Variants in ZMAT3 observed in about 807,000 individuals in gnomAD.
The protein encoded by ZMAT3 is zinc finger matrin-type protein 3.
ZMAT3 carries 17 observed loss-of-function variants against 32.3 expected under a neutral mutation model. That is an observed-to-expected ratio of 0.53 (90% CI 0.36 to 0.79). ZMAT3 has a LOEUF of 0.79. ZMAT3 is among the 30% of genes least tolerant of loss of function. ZMAT3 has a pLI of 0.00. For missense variants in ZMAT3, 329 were observed against 359.7 expected, an observed-to-expected ratio of 0.91 and a Z score of 0.69; for synonymous variants, 120 against 133.1, an observed-to-expected ratio of 0.90 and a Z score of 0.68.
At chr3:179,035,362 G>T (rs367829883) in intron 2 of ZMAT3, among the ~76,000 whole-genome samples, 1 of 152,116 alleles carries the variant, frequency 6.6e-6, no homozygotes. Flanking sequence ...CCAAGCTCAG[G>T]CTAGCTCCAA....
chr3:179,058,755 C>CAAAAAAAAAAAAAA (rs56006230), intron 2 of ZMAT3, among the ~76,000 whole-genome samples: 1 of 68,218 alleles, frequency 1.5e-5, no homozygotes, highest in African/African-American at 5.2e-5. Flanking sequence ...GACTCCGTCT[C>CAAAAAAAAAAAAAA]AAAAAAAAAA....
intron 2 of ZMAT3, among the ~76,000 whole-genome samples, chr3:179,063,622 C>A (rs1721258489): frequency 1.3e-5 from 2 of 152,174 alleles, no homozygotes; most frequent in Non-Finnish European, 2.9e-5. Context: ...TTTTGCTTTT[C>A]TTTATTTCTG....
At chr3:179,070,115 G>C (rs1178304534) in intron 1 of ZMAT3, among the ~76,000 whole-genome samples, 1 of 149,628 alleles carries the variant, frequency 6.7e-6, no homozygotes, top group Non-Finnish European at 1.5e-5. Context: ...TGAAAAGGTG[G>C]GGGGGGGTGT....
intron 2 of ZMAT3, among the ~76,000 whole-genome samples, chr3:179,050,606 G>A (rs1047158370): frequency 7.2e-5 from 11 of 152,208 alleles, no homozygotes; most frequent in East Asian, 3.9e-4. Context: ...GAATCCTCCC[G>A]AAATCATTCT....
chr3:179,033,346 T>TGCGGAAG (rs772006033), intron 2 of ZMAT3, among the ~76,000 whole-genome samples: 5 of 152,086 alleles, frequency 3.3e-5, no homozygotes, highest in African/African-American at 7.2e-5. Flanking sequence ...ACACAAACAC[T>TGCGGAAG]GCGGAAGGCG....
intron 2 of ZMAT3, among the ~76,000 whole-genome samples, chr3:179,045,813 T>A (rs1490280707): frequency 1.3e-5 from 2 of 152,166 alleles, no homozygotes; most frequent in Admixed American, 1.3e-4. Context: ...CTGAAGGACT[T>A]CATAATCATT....
At chr3:179,034,049 C>A (rs1342372078) in intron 2 of ZMAT3, among the ~76,000 whole-genome samples, 7 of 152,184 alleles carry the variant, frequency 4.6e-5, no homozygotes, top group Non-Finnish European at 8.8e-5. Flanking sequence ...TGAACTGACA[C>A]AAACTAGTGG....
At chr3:179,071,523 A>G (rs1721714473) in intron 1 of ZMAT3, 72 bp downstream of exon 1, 1 of 152,290 alleles carries the variant, frequency 6.6e-6, no homozygotes. Flanking sequence ...AGCATCGGAA[A>G]GGAACCGCTA....
chr3:179,049,656 T>C (rs1171800929), intron 2 of ZMAT3, among the ~76,000 whole-genome samples: 2 of 152,176 alleles, frequency 1.3e-5, no homozygotes, highest in Non-Finnish European at 2.9e-5. Flanking sequence ...ACCTCTGTGA[T>C]ACAGCAAAGG....
Position 179,018,312 on chromosome 3 carries a change from CA to C in ZMAT3, c.*6704del, listed in dbSNP as rs1308666546. ...CTTATAAATGAATCATGAAGGTCAT[CA>C]AAATGCAAAAACATCCAATAAATGT... On this transcript the variant is annotated 3_prime_UTR_variant, in exon 6 of 6. Transcript: ENST00000311417. 7 of 152,208 alleles carry C rather than the reference CA, an allele frequency of 4.6e-5. No individual in the cohort carries two copies. The East Asian group carries it at 1.4e-3, about 29-fold the overall frequency. The allele number at this position is 152,208 out of a possible 1,614,324, so 9.4% of individuals were successfully genotyped here.
At position 179,027,537 on chromosome 3, in the gene ZMAT3, G is replaced by A. The variant is rs1718937111; in HGVS notation, c.558-14C>T. 2.5e-6 allele frequency: 4 copies of A among 1,613,982 alleles called. No individual in the cohort carries two copies. The highest frequency in any genetic ancestry group is 1.3e-5 in the African/African-American group (1 of 74,912). On this transcript the variant is annotated splice_polypyrimidine_tract_variant and intron_variant, in intron 4 of 5. Coordinates refer to ENST00000311417, the MANE Select transcript of ZMAT3 (RefSeq NM_022470.4). ...TCTGAGGATTCCCTGGAGAAAAGAA[G>A]TTTAAAAAAGAGTGAGTCTTCTAAA...
In ZMAT3 at chr3:179,067,792, G is replaced by A. The variant is rs777850579; in HGVS notation, c.-40C>T. 1 of 1,597,714 alleles carries A rather than the reference G, an allele frequency of 6.3e-7. No homozygotes were observed. The highest frequency in any genetic ancestry group is 8.5e-7 in the Non-Finnish European group (1 of 1,170,296). On this transcript the variant is annotated 5_prime_UTR_variant, in exon 2 of 6. Coordinates refer to ENST00000311417, the MANE Select transcript of ZMAT3 (RefSeq NM_022470.4). ...TGGGGCATAATCCAGTGGGTGATGA[G>A]AAGCAAGGTCTTCAAATCTGAATCA...
At chr3:179,027,354 T>G in intron 5 of ZMAT3, 69 bp downstream of exon 5, 1 of 1,383,162 alleles carries the variant, frequency 7.2e-7, no homozygotes, top group Non-Finnish European at 1.0e-6. Context: ...CTATTATCAT[T>G]AAAAGAAATA....
intron 2 of ZMAT3, among the ~76,000 whole-genome samples, chr3:179,060,600 C>T (rs929088099): frequency 6.6e-6 from 1 of 152,118 alleles, no homozygotes; most frequent in Non-Finnish European, 1.5e-5. Flanking sequence ...GTTGAGACTA[C>T]ACCACTGCCC....
intron 2 of ZMAT3, among the ~76,000 whole-genome samples, chr3:179,038,246 T>C (rs1186123567): frequency 6.6e-6 from 1 of 152,106 alleles, no homozygotes; most frequent in Non-Finnish European, 1.5e-5. Flanking sequence ...AGGTTAGAGA[T>C]AGAATCTGAG....
At position 179,024,212 on chromosome 3, in the gene ZMAT3, T is replaced by C. The variant is rs575074065; in HGVS notation, c.*805A>G. 1 of 152,204 alleles carries C rather than the reference T, an allele frequency of 6.6e-6. No individual in the cohort carries two copies. The highest frequency in any genetic ancestry group is 1.9e-4 in the East Asian group (1 of 5,158). 9.4% of individuals were successfully genotyped at this position (152,204 alleles called of 1,614,324 possible). ...ACAACTGGAAATCAAGTTTAGCTGT[T>C]TGGAAGTATACAAGCTCATTGGGAG... On this transcript the variant is annotated 3_prime_UTR_variant, in exon 6 of 6. Transcript: ENST00000311417.
At chr3:179,064,837 G>A (rs1454653830) in intron 2 of ZMAT3, among the ~76,000 whole-genome samples, 1 of 152,080 alleles carries the variant, frequency 6.6e-6, no homozygotes, top group Non-Finnish European at 1.5e-5. Flanking sequence ...TTCTTTGGTA[G>A]CTCACCCACT....
chr3:179,067,809 T>C lies in ZMAT3; in HGVS notation c.-57A>G. On this transcript the variant is annotated splice_region_variant and 5_prime_UTR_variant, in exon 2 of 6. Transcript: ENST00000311417. The stretch of plus-strand genomic sequence containing the variant: ...GGTGATGAGAAGCAAGGTCTTCAAA[T>C]CTGAATCAACAGCAAAAAAACAGAA... 6.3e-7 allele frequency: 1 copy of C among 1,575,270 alleles called. No homozygotes were observed. Among genetic ancestry groups the C allele is most frequent in the Non-Finnish European group, 8.6e-7 (1 of 1,162,110 alleles).
intron 2 of ZMAT3, among the ~76,000 whole-genome samples, chr3:179,032,916 GTC>G (rs1719359367): frequency 6.9e-6 from 1 of 145,222 alleles, no homozygotes. Context: ...GTGGGGGGGC[GTC>G]TCTGCCCGGC....
Sources: allele counts gnomAD v4.1 joint callset (sites outside exome capture counted in the v4.1 genomes callset), GRCh38; gene constraint gnomAD v4.1.1; transcripts MANE v1.5; gene names NCBI Gene and HGNC (gene_info 2026-07-23, HGNC 2026-07-21).